LCT: variants seen among roughly 807,000 people sequenced by gnomAD.
LCT encodes the protein lactase/phlorizin hydrolase.
Under a neutral mutation model 173.0 loss-of-function variants are expected in LCT, and 90 were observed. The observed-to-expected ratio is 0.52, with a 90% CI of 0.44 to 0.62. The LOEUF (loss-of-function observed/expected upper bound fraction) is 0.62. Among genes scored for constraint, LCT ranks in the 20% least tolerant of loss-of-function variants. LCT has a pLI of 0.00. For synonymous variants in LCT, 853 were observed against 957.6 expected (o/e 0.89, Z 2.02); for missense variants, 1,864 against 2,431.4 (o/e 0.77, Z 4.91).
At position 135,812,571 on chromosome 2, in the gene LCT, G is replaced by T. The variant is rs762815300; in HGVS notation, c.2093C>A (p.Thr698Asn). 1.3e-5 allele frequency: 21 copies of T among 1,613,526 alleles called. No individual in the cohort carries two copies. Among genetic ancestry groups the T allele is most frequent in the Middle Eastern group, 1.6e-4 (1 of 6,080 alleles). The stretch of plus-strand genomic sequence containing the variant: ...AATGGTATCATAGCTAGGGATGCAG[G>T]TGTTTTGTGGGGCGTTGCTGATGAG... Reference protein sequence around the residue: ...SRLISNAPQNTCIPSYDTIGG... With the variant: ...SRLISNAPQNNCIPSYDTIGG... Residue 698 changes from threonine to asparagine, a missense_variant, in exon 7 of 17, where the codon ACC becomes AAC. By Grantham distance (65) the Thr-to-Asn change is moderately conservative. Coordinates refer to ENST00000264162, the MANE Select transcript of LCT (RefSeq NM_002299.4).
At position 135,809,917 on chromosome 2, in the gene LCT, AC is replaced by A; in HGVS notation, c.2429del (p.Gly810ValfsTer33). 6.2e-7 allele frequency: 1 copy of A among 1,614,208 alleles called. No individual in the cohort carries two copies. The highest frequency in any genetic ancestry group is 8.5e-7 in the Non-Finnish European group (1 of 1,180,034). On this transcript the variant is annotated frameshift_variant, in exon 8 of 17. Transcript: ENST00000264162. LOFTEE classifies it high-confidence loss of function. The surrounding 1 kb of genome is among the most constrained non-coding windows in gnomAD (Gnocchi z 5.5). Reference protein sequence around the residue: ...SLIDGFEGPSGYSQRFGLHHV... With the variant: ...SLIDGFEGPSXYSQRFGLHHV... The stretch of plus-strand genomic sequence containing the variant: ...GGTGCAGGCCAAACCGCTGGCTGTA[AC>A]CAGAAGGGCCTTCGAAGCCATCAAT...
At chr2:135,789,842 A>C in intron 15 of LCT, 44 bp from the exon 16 acceptor site, 4 of 1,537,612 alleles carry the variant, frequency 2.6e-6, no homozygotes, top group Non-Finnish European at 3.6e-6. Flanking sequence ...CTATCTCATA[A>C]GGCAGCTTCC....
At chr2:135,807,008 C>A (rs143202797) in intron 9 of LCT, 120 bp downstream of exon 9, 16 of 1,156,600 alleles carry the variant, frequency 1.4e-5, no homozygotes, top group Non-Finnish European at 1.9e-5. Flanking sequence ...CCCCATGCTG[C>A]CCCTCCATGG....
Position 135,790,621 on chromosome 2 carries a change from G to A in LCT, c.5335+37C>T. 1 of 1,345,308 alleles carries A rather than the reference G, an allele frequency of 7.4e-7. No individual in the cohort carries two copies. The highest frequency in any genetic ancestry group is 1.1e-6 in the Non-Finnish European group (1 of 936,670). The allele number at this position is 1,345,308 out of a possible 1,614,324, so 83.3% of individuals were successfully genotyped here. On this transcript the variant is annotated intron_variant, in intron 15 of 16. Transcript: ENST00000264162. This position sits in a 1 kb window ranked among gnomAD's most constrained non-coding sequence, Gnocchi z 4.1. ...GCAAATAGCAGATGTTTCCAACAGG[G>A]GAAGGTGCACGCTGGGGAAGGGCGG...
Position 135,836,751 on chromosome 2 carries a change from G to T in LCT, c.419C>A (p.Thr140Asn). The change falls in exon 1 of 17, where the codon ACC becomes AAC. Residue 140 changes from threonine to asparagine, a missense_variant. By Grantham distance (65) the Thr-to-Asn change is moderately conservative (BLOSUM62 0). Transcript: ENST00000264162. ...AGCAAAGGCTTCGGTTCTCCGGAGG[G>T]TGCTGGCAGGGAGGGTCTGGTGGTG... is the stretch of plus-strand genomic sequence containing the variant. Reference protein sequence around the residue: ...ILHHQTLPASTLRRTEAFADL... With the variant: ...ILHHQTLPASNLRRTEAFADL... The T allele has an allele frequency of 6.2e-7, 1 of 1,614,206 alleles. No individual in the cohort carries two copies. The highest frequency in any genetic ancestry group is 8.5e-7 in the Non-Finnish European group (1 of 1,180,038).
At chr2:135,803,434 G>A (rs550081305) in intron 11 of LCT, among the ~76,000 whole-genome samples, 1 of 152,342 alleles carries the variant, frequency 6.6e-6, no homozygotes, top group South Asian at 2.1e-4. Flanking sequence ...CAGACAGCTA[G>A]CTCTCCATAG....
rs148593528 is a variant in LCT, at chr2:135,812,354, T to C, written c.2310A>G (p.Leu770=). ...TATATTGATTGAAGTAGTCTACTCT[T>C]AAGGAATCATCAAAGAGATTTTCAC... is the stretch of plus-strand genomic sequence containing the variant. ...GESENLFDDS[L]RVDYFNQYIN... is the part of the protein sequence containing the mutation. Residue 770 remains leucine, a synonymous_variant, in exon 7 of 17, where the codon TTA becomes TTG. Transcript: ENST00000264162. 1.9e-6 allele frequency: 3 copies of C among 1,613,828 alleles called. No individual in the cohort carries two copies. The highest frequency in any genetic ancestry group is 1.3e-5 in the African/African-American group (1 of 74,944).
chr2:135,793,136 A>G (rs2077546369), intron 14 of LCT, among the ~76,000 whole-genome samples: 1 of 152,232 alleles, frequency 6.6e-6, no homozygotes, highest in Non-Finnish European at 1.5e-5. Flanking sequence ...TCCACATGAC[A>G]ACTTCACTGC....
chr2:135,817,253 G>C, intron 6 of LCT, 88 bp downstream of exon 6: 3 of 1,450,806 alleles, frequency 2.1e-6, no homozygotes, highest in South Asian at 2.5e-5. Flanking sequence ...GTAAAGGCTT[G>C]CTGATGGAAG....
chr2:135,816,607 A>C (rs1182357483), intron 6 of LCT, among the ~76,000 whole-genome samples: 1 of 152,138 alleles, frequency 6.6e-6, no homozygotes, highest in African/African-American at 2.4e-5. Flanking sequence ...CAACCTCCTG[A>C]ATGTGTAAAT....
chr2:135,835,482 G>GTATATATATATA (rs55900419), intron 1 of LCT, among the ~76,000 whole-genome samples: 2 of 67,972 alleles, frequency 2.9e-5, no homozygotes, highest in Admixed American at 1.4e-4. Flanking sequence ...GAACATAGAA[G>GTATATATATATA]TATATATATA....
At chr2:135,808,236 T>C (rs1342173305) in intron 8 of LCT, among the ~76,000 whole-genome samples, 1 of 152,186 alleles carries the variant, frequency 6.6e-6, no homozygotes, top group African/African-American at 2.4e-5. Flanking sequence ...GTAGTGTTTG[T>C]ATTTTTCCTC....
intron 11 of LCT, among the ~76,000 whole-genome samples, chr2:135,802,514 T>C (rs2077635282): frequency 6.6e-6 from 1 of 152,170 alleles, no homozygotes; most frequent in Admixed American, 6.6e-5. Flanking sequence ...CTATATATGA[T>C]GGAATACTAT....
At chr2:135,812,246 G>T in intron 7 of LCT, 65 bp downstream of exon 7, 3 of 1,393,258 alleles carry the variant, frequency 2.2e-6, no homozygotes, top group Non-Finnish European at 2.0e-6. Context: ...CTTATTAAAC[G>T]AAACTTTGAA....
At chr2:135,807,992 C>T (rs1011384919) in intron 8 of LCT, among the ~76,000 whole-genome samples, 3 of 147,966 alleles carry the variant, frequency 2.0e-5, no homozygotes, top group East Asian at 2.0e-4. Flanking sequence ...TAGCCGGGCA[C>T]GGTGGCCACT....
chr2:135,810,028 T>A, intron 7 of LCT, 35 bp from the exon 8 acceptor site: 1 of 1,421,968 alleles, frequency 7.0e-7, no homozygotes, highest in Non-Finnish European at 9.8e-7. Flanking sequence ...TTTATTTATT[T>A]ATGGATTTAT....
rs754838452 is a variant in LCT, at chr2:135,809,900, C to T, written c.2447G>A (p.Gly816Asp). The change falls in exon 8 of 17, where the codon GGC becomes GAC. Residue 816 changes from glycine (G) to aspartate (D), a missense_variant. Gly to Asp is a moderately conservative substitution (Grantham distance 94, BLOSUM62 -1). Coordinates refer to ENST00000264162, the MANE Select transcript of LCT (RefSeq NM_002299.4). This position sits in a 1 kb window ranked among gnomAD's most constrained non-coding sequence, Gnocchi z 5.5. Reference sequence around the variant, plus strand: ...GTCGCTGAAGTTGACGTGGTGCAGGCCAAACCGCTGGCTGTAACCAGAAGG... The same window carrying T: ...GTCGCTGAAGTTGACGTGGTGCAGGTCAAACCGCTGGCTGTAACCAGAAGG... Reference protein sequence around the residue: ...EGPSGYSQRFGLHHVNFSDSS... With the variant: ...EGPSGYSQRFDLHHVNFSDSS... 1 of 1,614,168 alleles carries T rather than the reference C, an allele frequency of 6.2e-7. No homozygotes were observed. Among genetic ancestry groups the T allele is most frequent in the South Asian group, 1.1e-5 (1 of 91,086 alleles).
At chr2:135,797,587 T>C (rs752527234) in intron 13 of LCT, among the ~76,000 whole-genome samples, 21 of 152,218 alleles carry the variant, frequency 1.4e-4, no homozygotes, top group South Asian at 2.1e-4. Flanking sequence ...GGGTAAACGT[T>C]GGCTGCTAAT....
Position 135,809,065 on chromosome 2 carries a change from G to T in LCT, c.3282C>A (p.Ala1094=), listed in dbSNP as rs144810497. The T allele has an allele frequency of 3.0e-5, 48 of 1,613,604 alleles. No individual in the cohort carries two copies. The highest frequency in any genetic ancestry group is 3.7e-5 in the Non-Finnish European group (44 of 1,179,998). The change falls in exon 8 of 17, where the codon GCC becomes GCA. Residue 1094 remains alanine (A), a synonymous_variant. Transcript: ENST00000264162. This position sits in a 1 kb window ranked among gnomAD's most constrained non-coding sequence, Gnocchi z 5.5. ...TGGCATGGGCTTTGATGACGGCGTG[G>T]GCTATCCTATATGGTGCCCAGCCTG... ...KDPGWAPYRI[A]HAVIKAHARV...
Sources: allele counts gnomAD v4.1 joint callset (sites outside exome capture counted in the v4.1 genomes callset), GRCh38; gene constraint gnomAD v4.1.1; non-coding constraint Gnocchi (gnomAD v3.1); transcripts MANE v1.5; gene names NCBI Gene and HGNC (gene_info 2026-07-23, HGNC 2026-07-21).